Variants in PLD5 observed in about 807,000 individuals in gnomAD.
The protein encoded by PLD5 is phospholipase D family member 5.
A neutral mutation model predicts 61.1 loss-of-function variants in PLD5; 36 were observed. The observed-to-expected ratio is 0.59, with a 90% CI of 0.45 to 0.78. The LOEUF (loss-of-function observed/expected upper bound fraction) is 0.78. Ranked by LOEUF, PLD5 falls within the 30% of genes least tolerant of loss-of-function variation. The pLI is 0.00. For missense variants in PLD5, 515 were observed against 644.4 expected, an observed-to-expected ratio of 0.80 and a Z score of 2.17; for synonymous variants, 243 against 242.8, an observed-to-expected ratio of 1.00 and a Z score of -0.01.
At chr1:242,382,075 G>T (rs1204764013) in intron 1 of PLD5, among the ~76,000 whole-genome samples, 1 of 151,256 alleles carries the variant, frequency 6.6e-6, no homozygotes, top group African/African-American at 2.4e-5. Flanking sequence ...AGGAGAAACA[G>T]TGGGTGATTC....
chr1:242,214,449 G>C (rs1441733162), intron 5 of PLD5, among the ~76,000 whole-genome samples: 3 of 152,174 alleles, frequency 2.0e-5, no homozygotes. Context: ...GCAATTGCTA[G>C]ATCAACGTAC....
intron 1 of PLD5, among the ~76,000 whole-genome samples, chr1:242,362,621 A>G (rs1178559097): frequency 1.3e-5 from 2 of 152,088 alleles, no homozygotes; most frequent in Non-Finnish European, 2.9e-5. Flanking sequence ...ACCCAGAGTA[A>G]TCTCATCTGG....
intron 1 of PLD5, among the ~76,000 whole-genome samples, chr1:242,427,277 A>G (rs1478317331): frequency 6.6e-6 from 1 of 152,242 alleles, no homozygotes; most frequent in Non-Finnish European, 1.5e-5. Context: ...GAAAGTTTCT[A>G]GAGTAACTCC....
At chr1:242,394,883 T>TA (rs1558527472) in intron 1 of PLD5, among the ~76,000 whole-genome samples, 1 of 105,832 alleles carries the variant, frequency 9.4e-6, no homozygotes, top group East Asian at 2.5e-4. Context: ...TATATGAATA[T>TA]ATGTATATAT....
At chr1:242,408,109 A>T (rs532819266) in intron 1 of PLD5, among the ~76,000 whole-genome samples, 195 of 152,296 alleles carry the variant, frequency 1.3e-3, no homozygotes, top group African/African-American at 4.3e-3. Flanking sequence ...AACTTATCCT[A>T]TGAATGTATT....
chr1:242,264,218 G>C (rs1320150996), intron 4 of PLD5, among the ~76,000 whole-genome samples: 1 of 152,184 alleles, frequency 6.6e-6, no homozygotes, highest in African/African-American at 2.4e-5. Context: ...CACGTTGATT[G>C]TATCTGTCAA....
intron 5 of PLD5, among the ~76,000 whole-genome samples, chr1:242,154,516 C>T (rs758719626): frequency 3.3e-5 from 5 of 152,068 alleles, no homozygotes; most frequent in East Asian, 1.9e-4. Flanking sequence ...AGATACTTTC[C>T]GTCAATACCC....
chr1:242,381,797 C>T (rs914837672), intron 1 of PLD5, among the ~76,000 whole-genome samples: 3 of 152,084 alleles, frequency 2.0e-5, no homozygotes, highest in Admixed American at 1.3e-4. Flanking sequence ...TCCAAACCCA[C>T]GGGTGCCTCC....
intron 1 of PLD5, among the ~76,000 whole-genome samples, chr1:242,388,645 T>C (rs1456626626): frequency 1.3e-5 from 2 of 152,208 alleles, no homozygotes; most frequent in East Asian, 3.9e-4. Flanking sequence ...CAACCTAAGA[T>C]GTAACCAACC....
At chr1:242,382,411 G>C (rs572254955) in intron 1 of PLD5, among the ~76,000 whole-genome samples, 8 of 152,240 alleles carry the variant, frequency 5.3e-5, no homozygotes, top group African/African-American at 1.9e-4. Flanking sequence ...GGTCAGAGGA[G>C]GATGTGCCAA....
intron 5 of PLD5, among the ~76,000 whole-genome samples, chr1:242,163,825 A>ACGGGTAACAAGGGTCAGTCT (rs1208733581): frequency 6.7e-6 from 1 of 150,178 alleles, no homozygotes; most frequent in African/African-American, 2.5e-5. Context: ...GCAGGGAGAG[A>ACGGGTAACAAGGGTCAGTCT]CGGGTAACAA....
chr1:242,140,498 A>G (rs549073458), intron 5 of PLD5, among the ~76,000 whole-genome samples: 2 of 152,220 alleles, frequency 1.3e-5, no homozygotes, highest in South Asian at 4.2e-4. Flanking sequence ...TTAGCCAGGC[A>G]TGGTGGCATG....
At chr1:242,168,605 C>A (rs1666494241) in intron 5 of PLD5, among the ~76,000 whole-genome samples, 1 of 152,080 alleles carries the variant, frequency 6.6e-6, no homozygotes, top group Non-Finnish European at 1.5e-5. Flanking sequence ...GTTAAAGGTA[C>A]CAATATATTT....
intron 2 of PLD5, among the ~76,000 whole-genome samples, chr1:242,346,107 C>T (rs1660121623): frequency 7.2e-6 from 1 of 138,974 alleles, no homozygotes; most frequent in African/African-American, 2.7e-5. Flanking sequence ...TCCAACCACC[C>T]AAAGGAAAGG....
At chr1:242,137,580 G>C (rs1663837263) in intron 5 of PLD5, among the ~76,000 whole-genome samples, 3 of 152,140 alleles carry the variant, frequency 2.0e-5, no homozygotes, top group Non-Finnish European at 4.4e-5. Context: ...TCTTGTAGGG[G>C]GAAATGTGTT....
At chr1:242,197,540 G>T (rs527939374) in intron 5 of PLD5, among the ~76,000 whole-genome samples, 2 of 151,896 alleles carry the variant, frequency 1.3e-5, no homozygotes, top group African/African-American at 4.8e-5. Context: ...TCTCCAACCA[G>T]TTCCTCTCCA....
chr1:242,107,893 A>T, intron 7 of PLD5, 54 bp from the exon 8 acceptor site: 1 of 1,471,244 alleles, frequency 6.8e-7, no homozygotes. Flanking sequence ...TTGGGAAAAG[A>T]AATTTACTAG....
intron 1 of PLD5, among the ~76,000 whole-genome samples, chr1:242,377,772 A>G (rs1389058147): frequency 6.6e-6 from 1 of 152,240 alleles, no homozygotes; most frequent in Non-Finnish European, 1.5e-5. Flanking sequence ...GCACATGAAA[A>G]GATGTTCAAC....
At chr1:242,529,778 TCTTCCTTCCTTCCTTC>T in the PLD5 span, among the ~76,000 whole-genome samples, 558 of 129,868 alleles carry the variant, frequency 4.3e-3, 9 homozygotes, top group African/African-American at 0.015. Flanking sequence ...GGCACTGGGA[TCTTCCTTCCTTCCTTC>T]CTTCCTTCCT....
Sources: gnomAD v4.1 joint callset for allele counts (sites outside exome capture counted in the v4.1 genomes callset) on GRCh38, gnomAD v4.1.1 for gene constraint, MANE v1.5 for transcripts, NCBI Gene and HGNC (gene_info 2026-07-23, HGNC 2026-07-21) for gene names.